The following SIK2 variants were observed in gnomAD, a reference collection of about 807,000 sequenced individuals.
SIK2 encodes salt inducible kinase 2.
A neutral mutation model predicts 103.2 loss-of-function variants in SIK2; 29 were observed. That is an observed-to-expected ratio of 0.28 (90% CI 0.21 to 0.38). The LOEUF is 0.38. Among genes scored for constraint, SIK2 ranks in the 10% least tolerant of loss-of-function variants. SIK2 has a pLI of 1.00. For synonymous variants in SIK2, 412 were observed against 446.1 expected, an observed-to-expected ratio of 0.92 and a Z score of 0.96; for missense variants, 879 against 1,171.0, an observed-to-expected ratio of 0.75 and a Z score of 3.64.
intron 3 of SIK2, chr11:111,683,263 C>T (rs1020760850): frequency 3.3e-5 from 5 of 152,278 alleles, no homozygotes; most frequent in Non-Finnish European, 7.3e-5. Context: ...AAGAGGACAA[C>T]CATCCCCAAT....
intron 3 of SIK2, among the ~76,000 whole-genome samples, chr11:111,625,318 T>C (rs1638648274): frequency 6.6e-6 from 1 of 151,868 alleles, no homozygotes; most frequent in Non-Finnish European, 1.5e-5. Context: ...CAGTGAGGGG[T>C]GTTGACAGCC....
At chr11:111,695,078 G>T (rs1306967133) in intron 4 of SIK2, among the ~76,000 whole-genome samples, 4 of 152,164 alleles carry the variant, frequency 2.6e-5, no homozygotes, top group African/African-American at 9.7e-5. Context: ...CATTCAGTTT[G>T]TGCAATGGGT....
rs145207863 is a variant in SIK2 at position 111,664,432 on chromosome 11, A to G, written c.317-23569A>G. On this transcript the variant is annotated intron_variant, in intron 3 of 14. Transcript: ENST00000304987. ...GGAGTTGGTGACCAGCCTGGCCTAC[A>G]TAGTGAAAGCCTGTCTCTACTCAAA... 2.6e-3 allele frequency among the ~76,000 whole-genome samples: 391 copies of G among 152,242 alleles called. 3 individuals are homozygous for G. Among genetic ancestry groups the G allele is most frequent in the African/African-American group, 9.1e-3 (376 of 41,534 alleles).
At chr11:111,657,993 G>T (rs1404675155) in intron 3 of SIK2, among the ~76,000 whole-genome samples, 2 of 151,970 alleles carry the variant, frequency 1.3e-5, no homozygotes, top group Non-Finnish European at 2.9e-5. Flanking sequence ...CCATAGGCGT[G>T]GAAGAGCTAT....
chr11:111,617,468 G>A (rs948653323), intron 2 of SIK2, among the ~76,000 whole-genome samples: 3 of 152,144 alleles, frequency 2.0e-5, no homozygotes, highest in East Asian at 1.9e-4. Context: ...GCTGGACTCC[G>A]CCTGTACCGG....
rs1943901527 is a variant in SIK2, at chr11:111,724,315, CAA to C, written c.*188_*189del. ...GCTTCCTCCTGGTTCTGCCCCACCA[CAA>C]AGTTTTCTGTGGCAAGTGCTGGAAC... On this transcript the variant is annotated 3_prime_UTR_variant, in exon 15 of 15. Transcript: ENST00000304987. 6.0e-6 allele frequency: 5 copies of C among 836,112 alleles called. No individual in the cohort carries two copies. Among genetic ancestry groups the C allele is most frequent in the Non-Finnish European group, 7.2e-6 (4 of 556,838 alleles). 51.8% of individuals were successfully genotyped at this position (836,112 alleles called of 1,614,324 possible). A position where few individuals can be genotyped will look rare whatever the true frequency, so the allele number is the denominator to read the frequency against.
chr11:111,712,889 G>A lies in SIK2; in HGVS notation c.1266+514G>A, dbSNP rs545423025. On this transcript the variant is annotated intron_variant, in intron 9 of 14. Coordinates refer to ENST00000304987, the MANE Select transcript of SIK2 (RefSeq NM_015191.3). ...TTTAAAAGTTAATGTGCTGGGCCAG[G>A]CACAGTGGCTCAAGCCTGTAATCCC... Among the ~76,000 whole-genome samples, 5 of 152,306 alleles carry A rather than the reference G, an allele frequency of 3.3e-5. No homozygotes were observed. In the South Asian group the frequency reaches 8.3e-4, roughly 25 times the overall value.
chr11:111,686,407 C>G (rs947422998), intron 3 of SIK2, among the ~76,000 whole-genome samples: 1 of 152,102 alleles, frequency 6.6e-6, no homozygotes, highest in Non-Finnish European at 1.5e-5. Context: ...CACCACTGCA[C>G]TCCAGCCTAG....
Position 111,720,491 on chromosome 11 carries a change from C to T in SIK2, c.1509C>T (p.Ser503=), listed in dbSNP as rs901130677. Residue 503 remains serine, a synonymous_variant, in exon 11 of 15, where the codon TCC becomes TCT. Coordinates refer to ENST00000304987, the MANE Select transcript of SIK2 (RefSeq NM_015191.3). ...VVMPGAGKIF[S]MNDSPSLDSV... Reference sequence around the variant, plus strand: ...TTTCTCTTAAAGGGAAAATTTTCTCCATGAATGACAGCCCCTCCCTTGACA... The same window carrying T: ...TTTCTCTTAAAGGGAAAATTTTCTCTATGAATGACAGCCCCTCCCTTGACA... 1.3e-5 allele frequency: 21 copies of T among 1,597,932 alleles called. No homozygotes were observed. The highest frequency in any genetic ancestry group is 1.6e-5 in the Non-Finnish European group (19 of 1,173,782).
chr11:111,691,310 G>C (rs1942936988), intron 4 of SIK2, among the ~76,000 whole-genome samples: 1 of 152,180 alleles, frequency 6.6e-6, no homozygotes. Context: ...TGAAGACAGT[G>C]TGATGACTCA....
rs1219545937 is a variant in SIK2, at chr11:111,725,651, G to A, written c.*1522G>A. On this transcript the variant is annotated 3_prime_UTR_variant, in exon 15 of 15. Coordinates refer to ENST00000304987, the MANE Select transcript of SIK2 (RefSeq NM_015191.3). ...CATCTTCCTTAAAGCACAAAGAGAG[G>A]GACTAACTGATGCTGCATCTAGAAA... 4.6e-5 allele frequency: 7 copies of A among 152,758 alleles called. No homozygotes were observed. The highest frequency in any genetic ancestry group is 2.1e-4 in the South Asian group (1 of 4,824). 9.5% of individuals were successfully genotyped at this position (152,758 alleles called of 1,614,324 possible). A position where few individuals can be genotyped will look rare whatever the true frequency, so the allele number is the denominator to read the frequency against.
chr11:111,667,465 G>A (rs991954738), intron 3 of SIK2, among the ~76,000 whole-genome samples: 14 of 149,262 alleles, frequency 9.4e-5, no homozygotes, highest in African/African-American at 3.4e-4. Flanking sequence ...AAATGATACT[G>A]ATCAATAGTT....
intron 3 of SIK2, among the ~76,000 whole-genome samples, chr11:111,674,718 A>G (rs1185963569): frequency 9.2e-5 from 14 of 152,128 alleles, no homozygotes; most frequent in Admixed American, 9.2e-4. Flanking sequence ...AATATTGGAA[A>G]TTGTATACCA....
rs1565372287 is a variant in SIK2, at chr11:111,703,393, C to T, written c.918C>T (p.Ser306=). ...AGCAGGTTCTGCGACTGATGCACAG[C>T]CTTGGAATAGATCAGCAGAAAACCA... is the stretch of plus-strand genomic sequence containing the variant. ...FNEQVLRLMH[S]LGIDQQKTIE... The change falls in exon 7 of 15, where the codon AGC becomes AGT. Residue 306 remains serine (S), a synonymous_variant. Coordinates refer to ENST00000304987, the MANE Select transcript of SIK2 (RefSeq NM_015191.3). 1 of 1,613,860 alleles carries T rather than the reference C, an allele frequency of 6.2e-7. No individual in the cohort carries two copies. The highest frequency in any genetic ancestry group is 8.5e-7 in the Non-Finnish European group (1 of 1,179,874).
intron 8 of SIK2, 49 bp from the exon 9 acceptor site, chr11:111,712,162 A>G (rs748505143): frequency 4.6e-6 from 7 of 1,536,820 alleles, no homozygotes; most frequent in Middle Eastern, 3.4e-4. Flanking sequence ...GTGTATTTAT[A>G]GAGAAGGTAT....
At chr11:111,620,493 AGTG>A in intron 3 of SIK2, 91 bp downstream of exon 3, 1 of 803,556 alleles carries the variant, frequency 1.2e-6, no homozygotes, top group Non-Finnish European at 2.0e-6. Context: ...TGCTTATTTA[AGTG>A]TTGGTAATAT....
chr11:111,621,778 G>A (rs1941889531), intron 3 of SIK2, among the ~76,000 whole-genome samples: 1 of 152,054 alleles, frequency 6.6e-6, no homozygotes, highest in Non-Finnish European at 1.5e-5. Flanking sequence ...GCTAGGTGTG[G>A]TAGTGCATGC....
At chr11:111,694,521 G>T (rs906914339) in intron 4 of SIK2, among the ~76,000 whole-genome samples, 1 of 152,044 alleles carries the variant, frequency 6.6e-6, no homozygotes, top group Non-Finnish European at 1.5e-5. Context: ...CAAGGTTTCT[G>T]TATATATGAT....
chr11:111,661,510 AG>A (rs1346462090), intron 3 of SIK2, among the ~76,000 whole-genome samples: 1 of 152,258 alleles, frequency 6.6e-6, no homozygotes, highest in East Asian at 1.9e-4. Flanking sequence ...TCCTTTAAAA[AG>A]GATTCTGTAG....
Sources: allele counts gnomAD v4.1 joint callset (sites outside exome capture counted in the v4.1 genomes callset), GRCh38; gene constraint gnomAD v4.1.1; transcripts MANE v1.5; gene names NCBI Gene and HGNC (gene_info 2026-07-23, HGNC 2026-07-21).